Variants in RNASEH2B observed in about 807,000 individuals in gnomAD.
RNASEH2B encodes the protein ribonuclease H2 subunit B.
Under a neutral mutation model 45.0 loss-of-function variants are expected in RNASEH2B, and 36 were observed. The ratio of observed to expected loss-of-function variants is 0.80; its 90% CI spans 0.61 to 1.06. The LOEUF (loss-of-function observed/expected upper bound fraction) is 1.06, where lower values mean the gene tolerates loss of function less well. Ranked by LOEUF, RNASEH2B falls within the 50% of genes least tolerant of loss-of-function variation. RNASEH2B has a pLI of 0.00. For synonymous variants in RNASEH2B, 119 were observed against 125.7 expected (o/e 0.95, Z 0.35); for missense variants, 361 against 360.3 (o/e 1.00, Z -0.02).
exon 10 of RNASEH2B, chr13:50,970,398 A>G (rs1703749265): frequency 3.0e-6 from 1 of 330,276 alleles, no homozygotes; most frequent in Non-Finnish European, 5.4e-6. Flanking sequence ...TAATTCATAA[A>G]TATACCTAAA....
At chr13:50,910,165 G>T in intron 1 of RNASEH2B, 25 bp downstream of exon 1, 2 of 1,421,326 alleles carry the variant, frequency 1.4e-6, no homozygotes, top group South Asian at 3.0e-5. Context: ...CCGGGCGGCG[G>T]GGTCGGCCCA....
intron 9 of RNASEH2B, chr13:50,952,135 A>T (rs1166476715): frequency 2.6e-5 from 4 of 152,160 alleles, no homozygotes; most frequent in African/African-American, 9.7e-5. Flanking sequence ...TAGCCACCGC[A>T]CTCCAGCCTG....
At chr13:50,911,563 A>G (rs78054414) in intron 1 of RNASEH2B, 9,060 of 151,894 alleles carry the variant, frequency 0.06, 302 homozygotes, top group Middle Eastern at 0.2. Context: ...GTAGTTGACA[A>G]TGTTAAATGG....
At chr13:50,916,480 GA>G (rs1448698470) in intron 1 of RNASEH2B, among the ~76,000 whole-genome samples, 3 of 152,200 alleles carry the variant, frequency 2.0e-5, no homozygotes, top group Non-Finnish European at 4.4e-5. Context: ...GAACATTGAA[GA>G]GGTGTAATAC....
chr13:50,927,254 A>G, intron 1 of RNASEH2B, 153 bp from the exon 2 acceptor site: 1 of 581,126 alleles, frequency 1.7e-6, no homozygotes, highest in East Asian at 3.2e-5. Flanking sequence ...AGAAATTGGT[A>G]ATTTGCTCAA....
intron 9 of RNASEH2B, chr13:50,953,624 C>A (rs1404656730): frequency 2.1e-6 from 1 of 484,604 alleles, no homozygotes; most frequent in Non-Finnish European, 3.7e-6. Flanking sequence ...CACCTGGCAC[C>A]TACAAAGCCT....
chr13:50,949,219 A>G (rs868216081), intron 8 of RNASEH2B: 12 of 474,564 alleles, frequency 2.5e-5, no homozygotes, highest in Middle Eastern at 5.6e-4. Flanking sequence ...CTGTTCCAAC[A>G]GATGGGTTCT....
chr13:50,921,117 A>G (rs937344784), intron 1 of RNASEH2B: 13 of 152,228 alleles, frequency 8.5e-5, no homozygotes, highest in Non-Finnish European at 1.8e-4. Context: ...AGGCACTTTC[A>G]CATACATTTC....
At chr13:50,939,356 C>CAAAACAAAAA (rs71190394) in intron 5 of RNASEH2B, among the ~76,000 whole-genome samples, 2 of 145,584 alleles carry the variant, frequency 1.4e-5, no homozygotes, top group Non-Finnish European at 3.0e-5. Flanking sequence ...GACTCTGTTT[C>CAAAACAAAAA]AAAAGAAAAA....
rs1879243580 is a variant in RNASEH2B, at chr13:50,909,987, G to A, written c.-90G>A. ...GTCCCTCAGCGCGCCGCGCCACCCG[G>A]AACAGACCCTTCTCCCGCCATTTTC... On this transcript the variant is annotated 5_prime_UTR_variant, in exon 1 of 11. Coordinates refer to ENST00000336617, the MANE Select transcript of RNASEH2B (RefSeq NM_024570.4). 1 of 1,200,240 alleles carries A rather than the reference G, an allele frequency of 8.3e-7. No homozygotes were observed. The highest frequency in any genetic ancestry group is 1.1e-6 in the Non-Finnish European group (1 of 877,480). The allele number at this position is 1,200,240 out of a possible 1,614,324, so 74.3% of individuals were successfully genotyped here.
chr13:50,925,639 T>A (rs573736756), intron 1 of RNASEH2B, among the ~76,000 whole-genome samples: 1 of 152,312 alleles, frequency 6.6e-6, no homozygotes, highest in South Asian at 2.1e-4. Flanking sequence ...TTACAGTCTG[T>A]CTGGGAGTAG....
chr13:50,954,301 G>T, intron 10 of RNASEH2B: 1 of 508,212 alleles, frequency 2.0e-6, no homozygotes, highest in South Asian at 3.5e-5. Context: ...CAACCCTGCT[G>T]CCCAGAAGCA....
chr13:50,951,239 C>T (rs6561602), intron 9 of RNASEH2B: 58,467 of 151,928 alleles, frequency 0.38, 12,875 homozygotes, highest in African/African-American at 0.6. Flanking sequence ...CTATACTAGA[C>T]GATGTACCAT....
chr13:50,970,069 C>A, exon 10 of RNASEH2B: 1 of 1,044,806 alleles, frequency 9.6e-7, no homozygotes, highest in Middle Eastern at 2.0e-4. Flanking sequence ...TCGCCAGGTG[C>A]CAAAAGGTGC....
intron 1 of RNASEH2B, chr13:50,911,373 T>G (rs1879384961): frequency 6.6e-6 from 1 of 152,254 alleles, no homozygotes; most frequent in Non-Finnish European, 1.5e-5. Context: ...ATTGTATGAG[T>G]ATCCATACTA....
rs1246936050 is a variant in RNASEH2B at position 50,945,376 on chromosome 13, C to A, written c.511-51C>A. On this transcript the variant is annotated intron_variant, in intron 6 of 10. Transcript: ENST00000336617. Reference sequence around the variant, plus strand: ...AGGCCACCTATGAATTCATAGATTTCTAAAGTTAAGTTGAAAATACCCTGC... The same window carrying A: ...AGGCCACCTATGAATTCATAGATTTATAAAGTTAAGTTGAAAATACCCTGC... The A allele has an allele frequency of 3.1e-6, 4 of 1,308,624 alleles. No individual in the cohort carries two copies. In the Admixed American group the frequency reaches 6.7e-5, roughly 22 times the overall value. 81.1% of individuals were successfully genotyped at this position (1,308,624 alleles called of 1,614,324 possible).
intron 9 of RNASEH2B, chr13:50,951,396 T>C (rs1340408301): frequency 6.6e-6 from 1 of 152,234 alleles, no homozygotes; most frequent in African/African-American, 2.4e-5. Context: ...TTGTAATCGA[T>C]AGCGTGGAGC....
Position 50,956,341 on chromosome 13 carries a change from CTT to C in RNASEH2B, c.823-16_823-15del, listed in dbSNP as rs771820918. ...GTTACATTCATAACAATTTTTCTCT[CTT>C]ATTTTCATTAACAGAAAAATAGCAA... On this transcript the variant is annotated splice_polypyrimidine_tract_variant and intron_variant, in intron 10 of 10. Transcript: ENST00000336617. The C allele has an allele frequency of 1.5e-5, 24 of 1,570,432 alleles. No individual in the cohort carries two copies. The African/African-American group carries it at 1.8e-4, about 12-fold the overall frequency.
chr13:50,966,938 T>C (rs947478861), intron 9 of RNASEH2B, among the ~76,000 whole-genome samples: 45 of 152,356 alleles, frequency 3.0e-4, no homozygotes, highest in African/African-American at 1.0e-3. Context: ...ACATCAACCA[T>C]GTTTCAGTAC....
Sources: gnomAD v4.1 joint callset for allele counts (sites outside exome capture counted in the v4.1 genomes callset) on GRCh38, gnomAD v4.1.1 for gene constraint, MANE v1.5 for transcripts, NCBI Gene and HGNC (gene_info 2026-07-23, HGNC 2026-07-21) for gene names.